The following ENPP6 variants were observed in gnomAD, a reference collection of about 807,000 sequenced individuals.
ENPP6 encodes the protein glycerophosphocholine cholinephosphodiesterase ENPP6.
In ENPP6, 32 loss-of-function variants were observed where a neutral mutation model predicts 42.0. The ratio of observed to expected loss-of-function variants is 0.76; its 90% CI spans 0.58 to 1.02. ENPP6 has a LOEUF of 1.02. ENPP6 is among the 50% of genes least tolerant of loss of function. ENPP6 has a pLI of 0.00. For synonymous variants in ENPP6, 213 were observed against 216.0 expected (o/e 0.99, Z 0.12); for missense variants, 552 against 566.8 (o/e 0.97, Z 0.27).
chr4:184,143,414 T>C (rs1377354633), intron 2 of ENPP6, among the ~76,000 whole-genome samples: 1 of 152,238 alleles, frequency 6.6e-6, no homozygotes, highest in Non-Finnish European at 1.5e-5. Context: ...GCAAAGCCTC[T>C]TCTCTGCAGT....
At chr4:184,189,203 G>A (rs1301304925) in intron 1 of ENPP6, among the ~76,000 whole-genome samples, 1 of 152,160 alleles carries the variant, frequency 6.6e-6, no homozygotes, top group Non-Finnish European at 1.5e-5. Context: ...GGCCATGGAA[G>A]GAAAGGAAGT....
At chr4:184,174,985 T>A (rs566197236) in intron 1 of ENPP6, among the ~76,000 whole-genome samples, 2 of 152,362 alleles carry the variant, frequency 1.3e-5, no homozygotes, top group East Asian at 3.9e-4. Context: ...CTGGAAATAA[T>A]TGACTCACAC....
intron 1 of ENPP6, among the ~76,000 whole-genome samples, chr4:184,170,561 T>G (rs1737444752): frequency 6.6e-6 from 1 of 152,248 alleles, no homozygotes; most frequent in African/African-American, 2.4e-5. Flanking sequence ...GTCTATTTAT[T>G]TATGGAGGGA....
At chr4:184,098,523 G>C (rs902367493) in intron 6 of ENPP6, among the ~76,000 whole-genome samples, 2 of 152,164 alleles carry the variant, frequency 1.3e-5, no homozygotes, top group African/African-American at 4.8e-5. Flanking sequence ...CTCCAAGCCA[G>C]CCTCCTCTCC....
chr4:184,170,203 G>A (rs1561000094), intron 1 of ENPP6, among the ~76,000 whole-genome samples: 2 of 152,228 alleles, frequency 1.3e-5, no homozygotes, highest in African/African-American at 4.8e-5. Context: ...GCCAAGGCTG[G>A]CAGATCTCTG....
In ENPP6 at chr4:184,124,159, A is replaced by G. The variant is rs1736462772; in HGVS notation, c.533+2T>C. 1.9e-6 allele frequency: 3 copies of G among 1,611,106 alleles called. No individual in the cohort carries two copies. The highest frequency in any genetic ancestry group is 3.3e-5 in the Admixed American group (2 of 59,978). On this transcript the variant is annotated splice_donor_variant, in intron 3 of 7. Coordinates refer to ENST00000296741, the MANE Select transcript of ENPP6 (RefSeq NM_153343.4). LOFTEE classifies it high-confidence loss of function. Reference sequence around the variant, plus strand: ...GGTGTGGCTAGAGTTTGGGACACTTACTTGAAGGAGTCAAGAGCATCGCTG... The same window carrying G: ...GGTGTGGCTAGAGTTTGGGACACTTGCTTGAAGGAGTCAAGAGCATCGCTG...
At chr4:184,211,428 T>C (rs1013134525) in intron 1 of ENPP6, among the ~76,000 whole-genome samples, 1 of 151,800 alleles carries the variant, frequency 6.6e-6, no homozygotes. Context: ...CCCACAGAAA[T>C]ACAAACTACC....
chr4:184,200,249 C>T (rs114846267), intron 1 of ENPP6, among the ~76,000 whole-genome samples: 336 of 152,320 alleles, frequency 2.2e-3, no homozygotes, highest in African/African-American at 7.4e-3. Context: ...ATGCCAGAAG[C>T]GGTGAGGACC....
In ENPP6 at chr4:184,120,868, G is replaced by A. The variant is rs546058950; in HGVS notation, c.534-2968C>T. On this transcript the variant is annotated intron_variant, in intron 3 of 7. Coordinates refer to ENST00000296741, the MANE Select transcript of ENPP6 (RefSeq NM_153343.4). ...CAATTTCAGGGTGTCTTAGAGGTGT[G>A]AGCTGGCAGAGATCAGGGTAGAGGA... Among the ~76,000 whole-genome samples, 16 of 152,312 alleles carry A rather than the reference G, an allele frequency of 1.1e-4. No individual in the cohort carries two copies. The East Asian group carries it at 2.9e-3, about 28-fold the overall frequency.
At chr4:184,190,687 T>G (rs763375290) in intron 1 of ENPP6, among the ~76,000 whole-genome samples, 1 of 152,044 alleles carries the variant, frequency 6.6e-6, no homozygotes, top group Non-Finnish European at 1.5e-5. Context: ...GGATGTAGGG[T>G]GAGTCAGACC....
chr4:184,151,248 G>C (rs1367508794), intron 2 of ENPP6, among the ~76,000 whole-genome samples: 1 of 152,248 alleles, frequency 6.6e-6, no homozygotes, highest in Non-Finnish European at 1.5e-5. Context: ...TGAGGCAAGA[G>C]AATCACTTGA....
chr4:184,117,133 C>A (rs1736334106), intron 4 of ENPP6, 98 bp from the exon 5 acceptor site: 1 of 1,387,774 alleles, frequency 7.2e-7, no homozygotes, highest in Non-Finnish European at 1.0e-6. Context: ...AAGGCTATCT[C>A]CTCAGTTCTG....
chr4:184,194,541 A>C (rs1178450594), intron 1 of ENPP6, among the ~76,000 whole-genome samples: 1 of 152,238 alleles, frequency 6.6e-6, no homozygotes, highest in Non-Finnish European at 1.5e-5. Context: ...AGAATTTCAA[A>C]ACAGTGACAA....
At chr4:184,150,607 G>A (rs933428311) in intron 2 of ENPP6, among the ~76,000 whole-genome samples, 1 of 152,254 alleles carries the variant, frequency 6.6e-6, no homozygotes, top group African/African-American at 2.4e-5. Context: ...CAGAAATACT[G>A]CAGCTGCCCC....
chr4:184,106,983 T>C (rs753648155), intron 6 of ENPP6, among the ~76,000 whole-genome samples: 2 of 152,048 alleles, frequency 1.3e-5, no homozygotes, highest in Non-Finnish European at 2.9e-5. Flanking sequence ...TTTGCTGTGT[T>C]GTGCCTGACT....
At chr4:184,211,415 G>A (rs1242214987) in intron 1 of ENPP6, among the ~76,000 whole-genome samples, 107 of 152,042 alleles carry the variant, frequency 7.0e-4, no homozygotes, top group Admixed American at 1.3e-3. Context: ...TATCACCACC[G>A]ATCCCACAGA....
chr4:184,141,852 AT>A (rs1736828896), intron 2 of ENPP6, among the ~76,000 whole-genome samples: 2 of 152,136 alleles, frequency 1.3e-5, no homozygotes, highest in Non-Finnish European at 2.9e-5. Context: ...TGATACACTT[AT>A]TTTTTTATAA....
chr4:184,131,812 CACACACACACACATAT>C (rs796739996), intron 2 of ENPP6, among the ~76,000 whole-genome samples: 5,282 of 151,224 alleles, frequency 0.035, 268 homozygotes, highest in African/African-American at 0.11. Flanking sequence ...CACACACACA[CACACACACACACATAT>C]ATATATATAT....
At chr4:184,204,808 T>C (rs1257395269) in intron 1 of ENPP6, among the ~76,000 whole-genome samples, 1 of 152,244 alleles carries the variant, frequency 6.6e-6, no homozygotes, top group Admixed American at 6.5e-5. Context: ...TGCTTTCATA[T>C]GAGCAAAGCA....
Sources: allele counts gnomAD v4.1 joint callset (sites outside exome capture counted in the v4.1 genomes callset), GRCh38; gene constraint gnomAD v4.1.1; transcripts MANE v1.5; gene names NCBI Gene and HGNC (gene_info 2026-07-23, HGNC 2026-07-21).